The following TINAG variants were observed in gnomAD, a reference collection of about 807,000 sequenced individuals.
TINAG encodes tubulointerstitial nephritis antigen.
TINAG carries 83 observed loss-of-function variants against 72.7 expected under a neutral mutation model. That is an observed-to-expected ratio of 1.14 (90% CI 0.96 to 1.37). The LOEUF (loss-of-function observed/expected upper bound fraction) is 1.37, where lower values mean the gene tolerates loss of function less well. Among genes scored for constraint, TINAG ranks in the 40% most tolerant of loss-of-function variants. The pLI is 0.00. For synonymous variants in TINAG, 234 were observed against 189.9 expected (o/e 1.23, Z -1.91); for missense variants, 685 against 576.6 (o/e 1.19, Z -1.93).
chr6:54,336,486 G>C (rs1302036095), intron 4 of TINAG, among the ~76,000 whole-genome samples: 2 of 152,042 alleles, frequency 1.3e-5, no homozygotes, highest in Admixed American at 1.3e-4. Flanking sequence ...AATCAACTTT[G>C]TACCTGATTG....
Position 54,354,421 on chromosome 6 carries a change from T to C in TINAG, c.1127-92T>C, listed in dbSNP as rs989130460. Reference sequence around the variant, plus strand: ...CCTTCTTAGATTCATCTCCTTGCAATTTACCCATTGGTTGTTCCGTGAAAT... The same window carrying C: ...CCTTCTTAGATTCATCTCCTTGCAACTTACCCATTGGTTGTTCCGTGAAAT... On this transcript the variant is annotated intron_variant, in intron 8 of 10. Coordinates refer to ENST00000259782, the MANE Select transcript of TINAG (RefSeq NM_014464.4). 1.5e-5 allele frequency: 18 copies of C among 1,196,218 alleles called. No individual in the cohort carries two copies. In the African/African-American group the frequency reaches 2.5e-4, roughly 17 times the overall value. 74.1% of individuals were successfully genotyped at this position (1,196,218 alleles called of 1,614,324 possible). A position where few individuals can be genotyped will look rare whatever the true frequency, so the allele number is the denominator to read the frequency against.
chr6:54,361,112 T>A (rs1255562300), intron 9 of TINAG, among the ~76,000 whole-genome samples: 1 of 151,384 alleles, frequency 6.6e-6, no homozygotes, highest in African/African-American at 2.4e-5. Context: ...GATTGTTAAA[T>A]ATTGTGTATG....
At chr6:54,355,917 G>T (rs1763025408) in intron 9 of TINAG, among the ~76,000 whole-genome samples, 1 of 151,724 alleles carries the variant, frequency 6.6e-6, no homozygotes, top group African/African-American at 2.4e-5. Context: ...AAACAAGATA[G>T]TGCAGTACTT....
intron 5 of TINAG, among the ~76,000 whole-genome samples, chr6:54,346,900 T>C (rs1027545738): frequency 2.6e-5 from 4 of 152,272 alleles, no homozygotes; most frequent in Non-Finnish European, 5.9e-5. Context: ...TGACTGTGGA[T>C]GAATTTCCAA....
intron 1 of TINAG, among the ~76,000 whole-genome samples, chr6:54,311,792 T>A (rs1784264671): frequency 6.6e-6 from 1 of 152,278 alleles, no homozygotes; most frequent in South Asian, 2.1e-4. Flanking sequence ...TAATCTTCCA[T>A]AAACAGTTTT....
intron 1 of TINAG, among the ~76,000 whole-genome samples, chr6:54,318,836 G>A (rs1193204423): frequency 6.6e-6 from 1 of 152,080 alleles, no homozygotes; most frequent in African/African-American, 2.4e-5. Context: ...CACCTTGACC[G>A]GGGTCCGAAG....
chr6:54,310,480 CTCTT>C (rs1281043614), intron 1 of TINAG, among the ~76,000 whole-genome samples: 4 of 101,436 alleles, frequency 3.9e-5, no homozygotes, highest in East Asian at 2.6e-4. Context: ...CTCCCTCCCT[CTCTT>C]TCTTTCTTTT....
At chr6:54,309,888 T>A (rs1582687523) in intron 1 of TINAG, among the ~76,000 whole-genome samples, 1 of 151,418 alleles carries the variant, frequency 6.6e-6, no homozygotes, top group East Asian at 1.9e-4. Context: ...TCATTCTCAA[T>A]AATGTCATCT....
At chr6:54,336,043 C>G (rs1784857979) in intron 4 of TINAG, among the ~76,000 whole-genome samples, 2 of 151,938 alleles carry the variant, frequency 1.3e-5, no homozygotes, top group Non-Finnish European at 2.9e-5. Flanking sequence ...TCTTTCCTTC[C>G]CTGGCTGGTT....
At chr6:54,320,665 A>C in intron 2 of TINAG, 23 bp downstream of exon 2, 1 of 1,582,002 alleles carries the variant, frequency 6.3e-7, no homozygotes, top group Non-Finnish European at 8.7e-7. Context: ...AGTGGCACAG[A>C]ACTGAGTTCT....
At position 54,380,532 on chromosome 6, in the gene TINAG, C is replaced by T; in HGVS notation, c.1257C>T (p.Gly419=). The T allele has an allele frequency of 6.2e-7, 1 of 1,609,282 alleles. No individual in the cohort carries two copies. Among genetic ancestry groups the T allele is most frequent in the Non-Finnish European group, 8.5e-7 (1 of 1,177,240 alleles). The stretch of plus-strand genomic sequence containing the variant: ...TTATTGTTATTAATTGTAGATGGGG[C>T]ACACTGAGAGGAGCACAAGGGCAGA... ...QTHAVKLTGW[G]TLRGAQGQKE... Residue 419 remains glycine, a synonymous_variant, in exon 10 of 11, where the codon GGC becomes GGT. Coordinates refer to ENST00000259782, the MANE Select transcript of TINAG (RefSeq NM_014464.4).
chr6:54,377,661 A>G lies in TINAG; in HGVS notation c.1251-2865A>G, dbSNP rs138963125. ...AGTTATATTTAGAGCAAATATGAATATAATGAAGATCCTCATATCCTCAGA... is the reference window on the plus strand; with the variant it reads ...AGTTATATTTAGAGCAAATATGAATGTAATGAAGATCCTCATATCCTCAGA... On this transcript the variant is annotated intron_variant, in intron 9 of 10. Coordinates refer to ENST00000259782, the MANE Select transcript of TINAG (RefSeq NM_014464.4). Among the ~76,000 whole-genome samples the G allele has an allele frequency of 2.0e-3, 299 of 152,312 alleles. 3 individuals are homozygous for G. The highest frequency in any genetic ancestry group is 6.6e-3 in the African/African-American group (274 of 41,584).
intron 3 of TINAG, among the ~76,000 whole-genome samples, chr6:54,323,688 T>G (rs981963895): frequency 4.6e-5 from 7 of 152,226 alleles, no homozygotes; most frequent in African/African-American, 1.7e-4. Context: ...GCGAAGTGGC[T>G]TATGCCTGTA....
rs1582761829 is a variant in TINAG, at chr6:54,380,469, A to G, written c.1251-57A>G. 2.4e-5 allele frequency: 35 copies of G among 1,470,366 alleles called. No homozygotes were observed. The East Asian group carries it at 7.4e-4, about 31-fold the overall frequency. The allele number at this position is 1,470,366 out of a possible 1,614,324, so 91.1% of individuals were successfully genotyped here. ...GAATGACAATAATCTGCATTCTCTC[A>G]AGAAGCAAACCAAACATTTTAACCA... On this transcript the variant is annotated intron_variant, in intron 9 of 10. Coordinates refer to ENST00000259782, the MANE Select transcript of TINAG (RefSeq NM_014464.4).
chr6:54,370,147 A>T (rs1347936736), intron 9 of TINAG, among the ~76,000 whole-genome samples: 1 of 152,100 alleles, frequency 6.6e-6, no homozygotes, highest in Non-Finnish European at 1.5e-5. Flanking sequence ...AATAAATGAC[A>T]GTTGGTTCTT....
chr6:54,342,148 CT>C (rs1373236504), intron 4 of TINAG, among the ~76,000 whole-genome samples: 4 of 151,894 alleles, frequency 2.6e-5, no homozygotes, highest in Non-Finnish European at 2.9e-5. Flanking sequence ...AAGCCTGATT[CT>C]TTTTGGAAGT....
chr6:54,329,842 A>T (rs1196751393), intron 4 of TINAG, among the ~76,000 whole-genome samples: 1 of 152,202 alleles, frequency 6.6e-6, no homozygotes, highest in East Asian at 1.9e-4. Context: ...AATAAAGCAG[A>T]ATTTAAACAA....
chr6:54,375,216 C>G (rs1763744356), intron 9 of TINAG, among the ~76,000 whole-genome samples: 1 of 152,158 alleles, frequency 6.6e-6, no homozygotes, highest in Admixed American at 6.6e-5. Flanking sequence ...AATAATTATT[C>G]TCATCACAGA....
intron 8 of TINAG, among the ~76,000 whole-genome samples, chr6:54,353,238 A>C (rs1785307216): frequency 6.6e-6 from 1 of 151,832 alleles, no homozygotes; most frequent in African/African-American, 2.4e-5. Flanking sequence ...TGCTTACAGG[A>C]AAGTTGAATC....
Sources: allele counts gnomAD v4.1 joint callset (sites outside exome capture counted in the v4.1 genomes callset), GRCh38; gene constraint gnomAD v4.1.1; transcripts MANE v1.5; gene names NCBI Gene and HGNC (gene_info 2026-07-23, HGNC 2026-07-21).